Variants in ASIC2 observed in about 807,000 individuals in gnomAD.
The protein encoded by ASIC2 is acid-sensing ion channel 2.
A neutral mutation model predicts 57.3 loss-of-function variants in ASIC2; 25 were observed. The ratio of observed to expected loss-of-function variants is 0.44; its 90% CI spans 0.32 to 0.61. The LOEUF is 0.61. Among genes scored for constraint, ASIC2 ranks in the 20% least tolerant of loss-of-function variants. The probability of loss-of-function intolerance (pLI) is 0.06; values close to 1 mark genes in which losing one functional copy is unlikely to be tolerated. For synonymous variants in ASIC2, 319 were observed against 307.5 expected (o/e 1.04, Z -0.39); for missense variants, 641 against 738.1 (o/e 0.87, Z 1.52).
At chr17:33,985,150 G>A (rs545090779) in intron 1 of ASIC2, among the ~76,000 whole-genome samples, 1 of 152,282 alleles carries the variant, frequency 6.6e-6, no homozygotes, top group South Asian at 2.1e-4. Context: ...TAAAGGCATG[G>A]AGGGATGTGA....
chr17:33,851,272 C>T (rs1286914501), intron 1 of ASIC2, among the ~76,000 whole-genome samples: 1 of 151,958 alleles, frequency 6.6e-6, no homozygotes, highest in African/African-American at 2.4e-5. Flanking sequence ...GCAGAGGGTC[C>T]CTAGTAGAAC....
intron 1 of ASIC2, among the ~76,000 whole-genome samples, chr17:33,285,325 T>A (rs1194722744): frequency 6.6e-6 from 1 of 152,252 alleles, no homozygotes; most frequent in African/African-American, 2.4e-5. Flanking sequence ...GGTCTTTTCA[T>A]GTTCCTTGTA....
intron 1 of ASIC2, among the ~76,000 whole-genome samples, chr17:34,086,497 G>GA (rs1162406502): frequency 7.9e-5 from 12 of 151,908 alleles, no homozygotes; most frequent in South Asian, 2.1e-4. Flanking sequence ...GTGTGGTGCT[G>GA]AAAAAAATGT....
intron 1 of ASIC2, among the ~76,000 whole-genome samples, chr17:33,871,584 T>A (rs1279150064): frequency 6.6e-6 from 1 of 152,076 alleles, no homozygotes; most frequent in African/African-American, 2.4e-5. Flanking sequence ...TTGCTCAGGA[T>A]CTGGAGAGAG....
At chr17:33,265,243 G>T (rs1221424575) in intron 1 of ASIC2, among the ~76,000 whole-genome samples, 2 of 152,150 alleles carry the variant, frequency 1.3e-5, no homozygotes, top group Non-Finnish European at 2.9e-5. Flanking sequence ...AATAGCAAAG[G>T]CATGGAATCA....
At chr17:33,554,589 C>G (rs975171459) in intron 1 of ASIC2, among the ~76,000 whole-genome samples, 2 of 152,132 alleles carry the variant, frequency 1.3e-5, no homozygotes, top group African/African-American at 2.4e-5. Context: ...CCAAGCCCTG[C>G]TAGTGTCTGT....
At chr17:33,671,531 A>G (rs1003341801) in intron 1 of ASIC2, among the ~76,000 whole-genome samples, 1 of 152,196 alleles carries the variant, frequency 6.6e-6, no homozygotes, top group Non-Finnish European at 1.5e-5. Flanking sequence ...TATGGGAAAG[A>G]CAAGGAAGGA....
intron 1 of ASIC2, among the ~76,000 whole-genome samples, chr17:33,318,021 C>A (rs543688518): frequency 2.0e-5 from 3 of 151,840 alleles, no homozygotes; most frequent in South Asian, 2.1e-4. Context: ...GCAAAGTCAC[C>A]GTCTTTAGGA....
At chr17:34,131,736 T>C (rs947893121) in intron 1 of ASIC2, among the ~76,000 whole-genome samples, 1 of 152,224 alleles carries the variant, frequency 6.6e-6, no homozygotes, top group Non-Finnish European at 1.5e-5. Flanking sequence ...TGCCTTTCCT[T>C]TAATCCCACT....
intron 1 of ASIC2, among the ~76,000 whole-genome samples, chr17:33,451,816 C>A (rs547743295): frequency 6.6e-6 from 1 of 152,212 alleles, no homozygotes; most frequent in Non-Finnish European, 1.5e-5. Context: ...TACCCCATAG[C>A]ACCCTACGTT....
chr17:33,228,428 C>T (rs1435454711), intron 1 of ASIC2, among the ~76,000 whole-genome samples: 1 of 152,238 alleles, frequency 6.6e-6, no homozygotes, highest in South Asian at 2.1e-4. Context: ...GAAGATGAGG[C>T]TGCAGGTCCT....
chr17:33,749,897 A>C (rs1056719694), intron 1 of ASIC2, among the ~76,000 whole-genome samples: 17 of 151,484 alleles, frequency 1.1e-4, no homozygotes, highest in African/African-American at 3.9e-4. Context: ...CATGCTGCCA[A>C]CTCCAAGGCT....
chr17:34,034,207 A>G (rs1051126816), intron 1 of ASIC2, among the ~76,000 whole-genome samples: 3 of 152,246 alleles, frequency 2.0e-5, no homozygotes, highest in African/African-American at 7.2e-5. Flanking sequence ...CTGGTTCAAC[A>G]TATGCAAATC....
chr17:33,124,968 C>T (rs1040567173), intron 1 of ASIC2, among the ~76,000 whole-genome samples: 3 of 146,132 alleles, frequency 2.1e-5, no homozygotes, highest in Non-Finnish European at 3.0e-5. Flanking sequence ...ATAGGGTTCA[C>T]GCTCCTGTGA....
chr17:33,872,879 C>T (rs552861446), intron 1 of ASIC2, among the ~76,000 whole-genome samples: 1 of 152,096 alleles, frequency 6.6e-6, no homozygotes, highest in Non-Finnish European at 1.5e-5. Context: ...CAATACCTGG[C>T]CCACGCATGG....
chr17:33,680,649 T>A (rs1907972323), intron 1 of ASIC2: 1 of 152,210 alleles, frequency 6.6e-6, no homozygotes, highest in Non-Finnish European at 1.5e-5. Flanking sequence ...AATCTCCTGC[T>A]GGGCGCCAAG....
intron 3 of ASIC2, among the ~76,000 whole-genome samples, chr17:33,056,876 A>G (rs1457938461): frequency 4.6e-5 from 7 of 152,174 alleles, no homozygotes; most frequent in Non-Finnish European, 8.8e-5. Flanking sequence ...TGTCACTTGC[A>G]TTATCTCTCA....
intron 1 of ASIC2, among the ~76,000 whole-genome samples, chr17:33,178,909 G>A (rs1338856781): frequency 6.6e-6 from 1 of 152,222 alleles, no homozygotes; most frequent in Non-Finnish European, 1.5e-5. Flanking sequence ...CACAGCCAAA[G>A]CACTGCTGAA....
intron 1 of ASIC2, among the ~76,000 whole-genome samples, chr17:33,261,759 G>A (rs969361526): frequency 6.6e-6 from 1 of 152,200 alleles, no homozygotes; most frequent in Non-Finnish European, 1.5e-5. Context: ...GCTGGGATTT[G>A]AACTCAGAAA....
Sources: allele counts gnomAD v4.1 joint callset (sites outside exome capture counted in the v4.1 genomes callset), GRCh38; gene constraint gnomAD v4.1.1; transcripts MANE v1.5; gene names NCBI Gene and HGNC (gene_info 2026-07-23, HGNC 2026-07-21).